The following CACNA2D3 variants were observed in gnomAD, a reference collection of about 807,000 sequenced individuals.
CACNA2D3 encodes the protein calcium voltage-gated channel auxiliary subunit alpha2delta 3.
In CACNA2D3, 60 loss-of-function variants were observed where a neutral mutation model predicts 160.6. That is an observed-to-expected ratio of 0.37 (90% confidence interval 0.30 to 0.46). The LOEUF (loss-of-function observed/expected upper bound fraction) is 0.46, where lower values mean the gene tolerates loss of function less well. CACNA2D3 is among the 20% of genes least tolerant of loss of function. The pLI is 1.00. For synonymous variants in CACNA2D3, 558 were observed against 492.9 expected (o/e 1.13, Z -1.75); for missense variants, 1,205 against 1,365.0 (o/e 0.88, Z 1.85).
intron 27 of CACNA2D3, among the ~76,000 whole-genome samples, chr3:54,908,265 A>G (rs373416389): frequency 2.6e-5 from 4 of 152,090 alleles, no homozygotes; most frequent in South Asian, 2.1e-4. Flanking sequence ...AGTGATTTCT[A>G]TTTCCCTAAT....
intron 2 of CACNA2D3, among the ~76,000 whole-genome samples, chr3:54,199,885 A>G (rs974062003): frequency 4.6e-5 from 7 of 152,206 alleles, no homozygotes; most frequent in Non-Finnish European, 1.0e-4. Context: ...AGGGGTCAGA[A>G]AACTGTGATC....
chr3:55,020,154 A>G (rs892557970), intron 35 of CACNA2D3, among the ~76,000 whole-genome samples: 12 of 151,686 alleles, frequency 7.9e-5, no homozygotes, highest in African/African-American at 2.4e-4. Context: ...AACATGTTAC[A>G]TTAATATTTC....
chr3:55,033,135 G>A (rs1703715645), intron 35 of CACNA2D3, among the ~76,000 whole-genome samples: 1 of 152,164 alleles, frequency 6.6e-6, no homozygotes, highest in Non-Finnish European at 1.5e-5. Flanking sequence ...GGGCTTGCCT[G>A]AGGTCCTACA....
In CACNA2D3 at chr3:55,041,632, T is replaced by TA. The variant is rs202145116; in HGVS notation, c.2987+23321dup. ...TTTCAAAAAATCATTCTTTGGTGTT[T>TA]AAAAAATATGTCCATATTGTTCACT... On this transcript the variant is annotated intron_variant, in intron 35 of 37. Transcript: ENST00000474759. 4.7e-3 allele frequency among the ~76,000 whole-genome samples: 714 copies of TA among 152,280 alleles called. 6 individuals carry two copies. Among genetic ancestry groups the TA allele is most frequent in the African/African-American group, 0.015 (639 of 41,582 alleles).
intron 14 of CACNA2D3, among the ~76,000 whole-genome samples, chr3:54,835,192 C>T (rs998790379): frequency 6.6e-6 from 1 of 152,114 alleles, no homozygotes; most frequent in African/African-American, 2.4e-5. Context: ...TCTTGATATC[C>T]ATGTAAAACT....
At chr3:54,969,964 C>T in intron 29 of CACNA2D3, 120 bp downstream of exon 29, 9 of 576,642 alleles carry the variant, frequency 1.6e-5, no homozygotes, top group South Asian at 6.9e-5. Context: ...CTGGGCCAAT[C>T]TAAAAAAAAA....
chr3:54,968,540 T>C (rs1281474724), intron 28 of CACNA2D3, 29 bp downstream of exon 28: 2 of 1,553,128 alleles, frequency 1.3e-6, no homozygotes, highest in African/African-American at 1.4e-5. Context: ...CTTGAAGCAT[T>C]AGCGACACTG....
rs186274681 is a variant in CACNA2D3, at chr3:54,918,210, C to T, written c.2449+18342C>T. The T allele has an allele frequency of 2.8e-3, 1,199 of 427,654 alleles. 4 individuals are homozygous for T. The highest frequency in any genetic ancestry group is 4.4e-3 in the Non-Finnish European group (1,039 of 238,632). 26.5% of individuals were successfully genotyped at this position (427,654 alleles called of 1,614,324 possible). ...TGTGTGTCTTACCCCCACATAGAAT[C>T]GTCGTAATAACTTCCCAGGCCCAGA... On this transcript the variant is annotated intron_variant, in intron 27 of 37. Coordinates refer to ENST00000474759, the MANE Select transcript of CACNA2D3 (RefSeq NM_018398.3).
intron 4 of CACNA2D3, among the ~76,000 whole-genome samples, chr3:54,466,214 G>T (rs1277407264): frequency 2.0e-5 from 3 of 152,190 alleles, no homozygotes; most frequent in Non-Finnish European, 4.4e-5. Flanking sequence ...CAAGGGATAG[G>T]AATCTTGGAT....
intron 2 of CACNA2D3, among the ~76,000 whole-genome samples, chr3:54,275,134 A>G (rs754215994): frequency 2.0e-5 from 3 of 152,196 alleles, no homozygotes; most frequent in Non-Finnish European, 4.4e-5. Context: ...TATATGTCTA[A>G]TGAGATCGTG....
intron 27 of CACNA2D3, among the ~76,000 whole-genome samples, chr3:54,923,397 A>C (rs1700909586): frequency 6.6e-6 from 1 of 151,794 alleles, no homozygotes; most frequent in Non-Finnish European, 1.5e-5. Context: ...CTCATGGCTC[A>C]TTCCTCCTCA....
chr3:54,171,136 C>CTTTTTTTTT (rs57761171), intron 2 of CACNA2D3, among the ~76,000 whole-genome samples: 5,966 of 62,332 alleles, frequency 0.096, 1,666 homozygotes, highest in East Asian at 0.29. Context: ...AAGATGATGA[C>CTTTTTTTTT]TTTTTTTTTT....
chr3:54,133,572 G>A (rs1406861926), intron 2 of CACNA2D3, among the ~76,000 whole-genome samples: 1 of 152,182 alleles, frequency 6.6e-6, no homozygotes, highest in East Asian at 1.9e-4. Context: ...TGTTGCTTGG[G>A]CATTGTCATT....
intron 2 of CACNA2D3, among the ~76,000 whole-genome samples, chr3:54,238,854 A>T (rs1207911172): frequency 6.6e-6 from 1 of 152,198 alleles, no homozygotes; most frequent in Non-Finnish European, 1.5e-5. Flanking sequence ...CAAGGAAATT[A>T]ATTTGCTCCT....
At chr3:54,189,916 T>G (rs1700949380) in intron 2 of CACNA2D3, among the ~76,000 whole-genome samples, 1 of 152,224 alleles carries the variant, frequency 6.6e-6, no homozygotes, top group African/African-American at 2.4e-5. Flanking sequence ...TCACCACCCA[T>G]TCTCATAAAT....
intron 17 of CACNA2D3, among the ~76,000 whole-genome samples, chr3:54,849,750 A>G (rs1699014748): frequency 6.6e-6 from 1 of 152,128 alleles, no homozygotes; most frequent in African/African-American, 2.4e-5. Context: ...GGTGAGTGTG[A>G]GTGTGGGGTT....
chr3:54,211,866 A>G (rs1029142231), intron 2 of CACNA2D3, among the ~76,000 whole-genome samples: 2 of 152,104 alleles, frequency 1.3e-5, no homozygotes, highest in African/African-American at 2.4e-5. Flanking sequence ...AGTTTTTTAC[A>G]TTTTAGGTTT....
chr3:54,578,184 A>G (rs1304811201), intron 8 of CACNA2D3, among the ~76,000 whole-genome samples: 1 of 152,198 alleles, frequency 6.6e-6, no homozygotes, highest in African/African-American at 2.4e-5. Context: ...GGGAAGTAAA[A>G]GCAAATTATA....
intron 11 of CACNA2D3, among the ~76,000 whole-genome samples, chr3:54,684,762 A>T (rs1700419218): frequency 6.6e-6 from 1 of 152,222 alleles, no homozygotes; most frequent in African/African-American, 2.4e-5. Flanking sequence ...TGTTAAAAAA[A>T]AAATCCCATG....
Sources: gnomAD v4.1 joint callset for allele counts (sites outside exome capture counted in the v4.1 genomes callset) on GRCh38, gnomAD v4.1.1 for gene constraint, MANE v1.5 for transcripts, NCBI Gene and HGNC (gene_info 2026-07-23, HGNC 2026-07-21) for gene names.